The following FHIT variants were observed in gnomAD, a reference collection of about 807,000 sequenced individuals.
FHIT encodes bis(5'-adenosyl)-triphosphatase.
In FHIT, 19 loss-of-function variants were observed where a neutral mutation model predicts 17.9. That is an observed-to-expected ratio of 1.06 (90% CI 0.74 to 1.56). The LOEUF is 1.56. FHIT is among the 40% of genes most tolerant of loss of function. FHIT has a pLI of 0.00. For synonymous variants in FHIT, 81 were observed against 69.7 expected (o/e 1.16, Z -0.81); for missense variants, 248 against 189.2 (o/e 1.31, Z -1.82).
chr3:59,753,039 A>AT (rs1351230393), intron 8 of FHIT, among the ~76,000 whole-genome samples: 3 of 152,020 alleles, frequency 2.0e-5, no homozygotes, highest in African/African-American at 7.3e-5. Context: ...TCATTCATTT[A>AT]TTTTACTTCC....
At chr3:59,998,289 C>A (rs1288161468) in intron 7 of FHIT, among the ~76,000 whole-genome samples, 1 of 152,122 alleles carries the variant, frequency 6.6e-6, no homozygotes, top group Non-Finnish European at 1.5e-5. Context: ...TTTTTCCAGC[C>A]TGCTGCGGGT....
intron 4 of FHIT, among the ~76,000 whole-genome samples, chr3:60,607,068 G>C (rs946741191): frequency 6.6e-6 from 1 of 152,048 alleles, no homozygotes; most frequent in Non-Finnish European, 1.5e-5. Flanking sequence ...CTAAAGCCGG[G>C]TTCTCTATTA....
At chr3:60,479,411 T>C (rs371110284) in intron 5 of FHIT, among the ~76,000 whole-genome samples, 3 of 152,278 alleles carry the variant, frequency 2.0e-5, no homozygotes, top group African/African-American at 7.2e-5. Context: ...TTTAGTCAAT[T>C]TACTGGATAT....
intron 4 of FHIT, among the ~76,000 whole-genome samples, chr3:60,644,817 A>G (rs2039815748): frequency 6.6e-6 from 1 of 152,160 alleles, no homozygotes; most frequent in Admixed American, 6.5e-5. Context: ...TCAGACTGAA[A>G]GCCTCCAGAT....
At chr3:60,022,193 C>T (rs1183125936) in intron 5 of FHIT, among the ~76,000 whole-genome samples, 1 of 148,682 alleles carries the variant, frequency 6.7e-6, no homozygotes, top group Non-Finnish European at 1.5e-5. Flanking sequence ...TCTGTTTTTT[C>T]AAACAAAAAG....
chr3:61,089,119 T>A (rs1193163697), intron 2 of FHIT, among the ~76,000 whole-genome samples: 4 of 152,100 alleles, frequency 2.6e-5, no homozygotes, highest in African/African-American at 7.2e-5. Context: ...GGGAAAAAAA[T>A]TTATTCAACA....
intron 3 of FHIT, among the ~76,000 whole-genome samples, chr3:60,899,456 G>T (rs1705991520): frequency 6.6e-6 from 1 of 152,094 alleles, no homozygotes; most frequent in Non-Finnish European, 1.5e-5. Context: ...TCTCACTGTT[G>T]TATTTTTTCA....
chr3:60,453,762 A>T (rs2107379379), intron 5 of FHIT, among the ~76,000 whole-genome samples: 1 of 152,332 alleles, frequency 6.6e-6, no homozygotes, highest in Admixed American at 6.5e-5. Context: ...TGCCCAGTGA[A>T]TATCAGCAGC....
intron 4 of FHIT, among the ~76,000 whole-genome samples, chr3:60,557,698 T>C (rs1214552584): frequency 6.6e-6 from 1 of 151,926 alleles, no homozygotes; most frequent in Non-Finnish European, 1.5e-5. Context: ...CTAAGGGTAA[T>C]TTATGGCAAC....
intron 3 of FHIT, among the ~76,000 whole-genome samples, chr3:60,827,172 G>C (rs546556781): frequency 6.6e-6 from 1 of 152,292 alleles, no homozygotes; most frequent in Admixed American, 6.5e-5. Context: ...AGGCAAAAAA[G>C]TTTGCAGGAA....
intron 5 of FHIT, among the ~76,000 whole-genome samples, chr3:60,505,888 C>T (rs2034708649): frequency 6.6e-6 from 1 of 152,126 alleles, no homozygotes; most frequent in African/African-American, 2.4e-5. Context: ...TGTTAATAAG[C>T]TTGAATTTGG....
At chr3:60,625,140 C>T (rs1458126835) in intron 4 of FHIT, among the ~76,000 whole-genome samples, 1 of 152,148 alleles carries the variant, frequency 6.6e-6, no homozygotes, top group Non-Finnish European at 1.5e-5. Context: ...AACTTCTGAG[C>T]TCAAGTGATC....
At chr3:60,813,606 A>G (rs1701639043) in intron 4 of FHIT, among the ~76,000 whole-genome samples, 1 of 152,142 alleles carries the variant, frequency 6.6e-6, no homozygotes, top group African/African-American at 2.4e-5. Context: ...TGAGATCTCT[A>G]TACTCTCCAA....
intron 1 of FHIT, among the ~76,000 whole-genome samples, chr3:61,226,841 G>A (rs1414958977): frequency 6.6e-6 from 1 of 152,160 alleles, no homozygotes; most frequent in Admixed American, 6.5e-5. Context: ...GTCAAGAAAT[G>A]TTTAGTAAGC....
intron 5 of FHIT, among the ~76,000 whole-genome samples, chr3:60,392,427 G>A (rs988688376): frequency 6.6e-6 from 1 of 152,188 alleles, no homozygotes. Context: ...TACAGTGGCA[G>A]ACCATCAACA....
chr3:60,502,475 A>C (rs1448148500), intron 5 of FHIT, among the ~76,000 whole-genome samples: 2 of 151,934 alleles, frequency 1.3e-5, no homozygotes, highest in Non-Finnish European at 2.9e-5. Context: ...CAAACACTTC[A>C]CTCGGAAGTT....
intron 5 of FHIT, among the ~76,000 whole-genome samples, chr3:60,498,809 C>A (rs1432742796): frequency 6.6e-6 from 1 of 151,968 alleles, no homozygotes; most frequent in Non-Finnish European, 1.5e-5. Flanking sequence ...TCTGTATACA[C>A]TTTTACACCA....
chr3:60,866,649 T>G (rs1553753928), intron 3 of FHIT, among the ~76,000 whole-genome samples: 1 of 152,198 alleles, frequency 6.6e-6, no homozygotes, highest in Non-Finnish European at 1.5e-5. Context: ...TTTTAAGCAG[T>G]TGAGTTTTGG....
At chr3:60,146,920 G>A (rs1294343379) in intron 5 of FHIT, among the ~76,000 whole-genome samples, 1 of 152,128 alleles carries the variant, frequency 6.6e-6, no homozygotes, top group African/African-American at 2.4e-5. Flanking sequence ...GCTGTCTTCA[G>A]TTACAAATAG....
Sources: gnomAD v4.1 joint callset for allele counts (sites outside exome capture counted in the v4.1 genomes callset) on GRCh38, gnomAD v4.1.1 for gene constraint, MANE v1.5 for transcripts, NCBI Gene and HGNC (gene_info 2026-07-23, HGNC 2026-07-21) for gene names.